Variants in VRTN observed in about 807,000 individuals in gnomAD.
The protein encoded by VRTN is vertnin.
Under a neutral mutation model 18.2 loss-of-function variants are expected in VRTN, and 5 were observed. The observed-to-expected ratio is 0.27, with a 90% confidence interval of 0.14 to 0.58. The LOEUF is 0.58. Among genes scored for constraint, VRTN ranks in the 20% least tolerant of loss-of-function variants. The pLI, the probability that VRTN is intolerant of heterozygous loss-of-function variation, is 0.91. For missense variants in VRTN, 741 were observed against 939.4 expected (o/e 0.79, Z 2.76); for synonymous variants, 381 against 393.7 (o/e 0.97, Z 0.38).
intron 1 of VRTN, among the ~76,000 whole-genome samples, chr14:74,312,898 A>T (rs2085397661): frequency 6.6e-6 from 1 of 151,550 alleles, no homozygotes; most frequent in Non-Finnish European, 1.5e-5. Flanking sequence ...TCACTCCACC[A>T]CGCCTGGCTA....
In VRTN at chr14:74,340,257, C is replaced by T. The variant is rs28430983; in HGVS notation, c.-2+2373C>T. 9.5e-3 allele frequency among the ~76,000 whole-genome samples: 1,452 copies of T among 152,254 alleles called. 15 individuals carry two copies. The highest frequency in any genetic ancestry group is 0.028 in the African/African-American group (1,184 of 41,562). ...CCTCCCTAGTAGCTGGGATTATAGG[C>T]ATGTGCCACCACGCCCGGCTAATTT... On this transcript the variant is annotated intron_variant, in intron 2 of 2. Transcript: ENST00000557177.
intron 1 of VRTN, among the ~76,000 whole-genome samples, chr14:74,305,051 G>T (rs918857179): frequency 5.9e-5 from 9 of 152,126 alleles, no homozygotes; most frequent in African/African-American, 2.2e-4. Context: ...GAAGTAGCAG[G>T]CTGGGCACGG....
chr14:74,344,776 G>A (rs906374796), upstream of VRTN, among the ~76,000 whole-genome samples: 1 of 112,896 alleles, frequency 8.9e-6, no homozygotes, highest in Non-Finnish European at 1.8e-5. Flanking sequence ...AAAAATATGT[G>A]TGTAACCCTC....
intron 1 of VRTN, among the ~76,000 whole-genome samples, chr14:74,328,959 C>G (rs944903011): frequency 6.6e-6 from 1 of 151,782 alleles, no homozygotes; most frequent in Admixed American, 6.6e-5. Context: ...TATAGTGAAA[C>G]CCTGTCTCTA....
Position 74,320,563 on chromosome 14 carries a change from C to CTTTTTTTTTTTTTT in VRTN, c.-163-17132_-163-17119dup, listed in dbSNP as rs35884901. Reference sequence around the variant, plus strand: ...AGACTTGAGCCACTGCGCCCGGCCTCTTTTTTTTTTTTTTTTTTTTTTTTT... The same window carrying CTTTTTTTTTTTTTT: ...AGACTTGAGCCACTGCGCCCGGCCTCTTTTTTTTTTTTTTTTTTTTTTTTTTTTTTTTTTTTTTT... On this transcript the variant is annotated intron_variant, in intron 1 of 2. Transcript: ENST00000557177. Among the ~76,000 whole-genome samples, 3 of 45,028 alleles carry CTTTTTTTTTTTTTT rather than the reference C, an allele frequency of 6.7e-5. 1 individual carries two copies. Among genetic ancestry groups the CTTTTTTTTTTTTTT allele is most frequent in the Non-Finnish European group, 1.3e-4 (3 of 22,412 alleles). 29.5% of individuals were successfully genotyped at this position (45,028 alleles called of 152,430 possible).
intron 1 of VRTN, among the ~76,000 whole-genome samples, chr14:74,354,593 CG>C (rs1215742635): frequency 6.6e-6 from 1 of 151,806 alleles, no homozygotes; most frequent in Non-Finnish European, 1.5e-5. Flanking sequence ...TTAGTAGAGA[CG>C]GGGTTTCACC....
At chr14:74,333,175 G>C (rs1011849084) in intron 1 of VRTN, among the ~76,000 whole-genome samples, 2 of 152,078 alleles carry the variant, frequency 1.3e-5, no homozygotes, top group African/African-American at 2.4e-5. Flanking sequence ...CCGAGGTCGG[G>C]AGTTCGAGAC....
intron 1 of VRTN, 108 bp from the exon 2 acceptor site, chr14:74,356,675 T>C (rs2085729356): frequency 2.8e-6 from 4 of 1,409,772 alleles, no homozygotes; most frequent in East Asian, 2.5e-5. Flanking sequence ...CGGGAGCAGA[T>C]AGACATTACC....
intron 1 of VRTN, among the ~76,000 whole-genome samples, chr14:74,320,407 CCCG>C (rs1196250675): frequency 6.0e-5 from 9 of 149,742 alleles, no homozygotes; most frequent in Admixed American, 5.4e-4. Context: ...ACTACAGGCG[CCCG>C]CCGCCACCAC....
chr14:74,354,527 C>CCT (rs2085710356), intron 1 of VRTN, among the ~76,000 whole-genome samples: 1 of 151,992 alleles, frequency 6.6e-6, no homozygotes, highest in Non-Finnish European at 1.5e-5. Flanking sequence ...GCCTCAGCCT[C>CCT]CTGAGTAGCT....
exon 1 of VRTN, chr14:74,303,154 T>G: frequency 2.3e-6 from 1 of 432,412 alleles, no homozygotes; most frequent in South Asian, 6.6e-5. Flanking sequence ...ACAATAGGTA[T>G]CCGAGAGTGT....
chr14:74,348,691 T>G (rs1181323872), intron 1 of VRTN, 39 bp downstream of exon 1: 1 of 152,210 alleles, frequency 6.6e-6, no homozygotes, highest in Non-Finnish European at 1.5e-5. Context: ...CTAGGAAGGG[T>G]GGGGGTGCCC....
intron 1 of VRTN, among the ~76,000 whole-genome samples, chr14:74,313,767 G>C (rs573565794): frequency 1.3e-5 from 2 of 152,290 alleles, no homozygotes; most frequent in East Asian, 3.9e-4. Flanking sequence ...GATTGCTTGA[G>C]CTCAGGAGTT....
At chr14:74,333,189 C>T (rs1475533010) in intron 1 of VRTN, among the ~76,000 whole-genome samples, 1 of 151,938 alleles carries the variant, frequency 6.6e-6, no homozygotes, top group African/African-American at 2.4e-5. Context: ...TCGAGACCAG[C>T]CTGACCAACA....
chr14:74,346,152 A>T (rs958922920), upstream of VRTN, among the ~76,000 whole-genome samples: 4 of 150,990 alleles, frequency 2.6e-5, no homozygotes, highest in South Asian at 2.1e-4. Flanking sequence ...AAAAAAAAAA[A>T]TTTATCTGGG....
chr14:74,310,520 G>A (rs935711402), intron 1 of VRTN, among the ~76,000 whole-genome samples: 4 of 150,232 alleles, frequency 2.7e-5, no homozygotes, highest in Admixed American at 2.0e-4. Flanking sequence ...GACCTTGGGG[G>A]CATGCTGCCT....
At position 74,357,598 on chromosome 14, in the gene VRTN, A is replaced by G; in HGVS notation, c.815A>G (p.Glu272Gly). 6.2e-7 allele frequency: 1 copy of G among 1,613,990 alleles called. No homozygotes were observed. Among genetic ancestry groups the G allele is most frequent in the Non-Finnish European group, 8.5e-7 (1 of 1,180,024 alleles). Reference sequence around the variant, plus strand: ...CTCTCATCGCCGGCCAAGACCCTGGAGCTGCTCAACCGTGAACCTGGCCTC... The same window carrying G: ...CTCTCATCGCCGGCCAAGACCCTGGGGCTGCTCAACCGTGAACCTGGCCTC... ...APLSSPAKTL[E>G]LLNREPGLSY... is the part of the protein sequence containing the mutation. Residue 272 changes from glutamate (E) to glycine (G), a missense_variant, in exon 2 of 2, where the codon GAG (glutamate) becomes GGG (glycine). By Grantham distance (98) the Glu-to-Gly change is moderately conservative. Coordinates refer to ENST00000256362, the MANE Select transcript of VRTN (RefSeq NM_018228.3). The surrounding 1 kb of genome is among the most constrained non-coding windows in gnomAD (Gnocchi z 7.8).
At chr14:74,307,131 G>A (rs79617172) in intron 1 of VRTN, among the ~76,000 whole-genome samples, 6,847 of 140,174 alleles carry the variant, frequency 0.049, 603 homozygotes, top group African/African-American at 0.17. Flanking sequence ...CTTAACTGTT[G>A]TGGCCCTTTT....
intron 1 of VRTN, among the ~76,000 whole-genome samples, chr14:74,328,353 C>T (rs569391963): frequency 6.6e-6 from 1 of 152,234 alleles, no homozygotes; most frequent in Non-Finnish European, 1.5e-5. Context: ...GCCATTTCAG[C>T]CACAATACTC....
Sources: gnomAD v4.1 joint callset for allele counts (sites outside exome capture counted in the v4.1 genomes callset) on GRCh38, gnomAD v4.1.1 for gene constraint, Gnocchi (gnomAD v3.1) non-coding constraint, MANE v1.5 for transcripts, NCBI Gene and HGNC (gene_info 2026-07-23, HGNC 2026-07-21) for gene names.